Variants in C2orf80 observed in about 807,000 individuals in gnomAD.
C2orf80 encodes uncharacterized protein C2orf80.
Under a neutral mutation model 30.2 loss-of-function variants are expected in C2orf80, and 28 were observed. That is an observed-to-expected ratio of 0.93 (90% CI 0.69 to 1.27). The LOEUF is 1.27. C2orf80 is among the 50% of genes most tolerant of loss of function. C2orf80 has a pLI of 0.00. For synonymous variants in C2orf80, 80 were observed against 76.4 expected (o/e 1.05, Z -0.24); for missense variants, 220 against 231.0 (o/e 0.95, Z 0.31).
chr2:208,184,534 G>C (rs1185508108), intron 3 of C2orf80, among the ~76,000 whole-genome samples: 3 of 152,186 alleles, frequency 2.0e-5, no homozygotes, highest in African/African-American at 4.8e-5. Context: ...CAGATCCTGA[G>C]TCTGGGCTTC....
intron 6 of C2orf80, among the ~76,000 whole-genome samples, chr2:208,176,019 C>T (rs905107426): frequency 5.3e-5 from 8 of 152,108 alleles, no homozygotes; most frequent in South Asian, 2.1e-4. Context: ...ATTCAAATTA[C>T]GCCCTCTGTG....
At chr2:208,183,135 G>T in intron 3 of C2orf80, 88 bp from the exon 4 acceptor site, 1 of 994,468 alleles carries the variant, frequency 1.0e-6, no homozygotes, top group Non-Finnish European at 1.6e-6. Flanking sequence ...GGACTGCTAA[G>T]CCTATTCTAG....
chr2:208,170,718 A>C (rs916380353), intron 8 of C2orf80, among the ~76,000 whole-genome samples: 1 of 152,154 alleles, frequency 6.6e-6, no homozygotes, highest in African/African-American at 2.4e-5. Context: ...AATCACCCCA[A>C]CAAGCTTAAG....
intron 6 of C2orf80, among the ~76,000 whole-genome samples, chr2:208,174,776 A>C (rs114920641): frequency 0.023 from 3,506 of 152,340 alleles, 129 homozygotes; most frequent in African/African-American, 0.079. Context: ...ATAGCCAGTC[A>C]GACGCCGGGG....
In C2orf80 at chr2:208,165,880, T is replaced by C. The variant is rs1271933848; in HGVS notation, c.574-65A>G. The C allele has an allele frequency of 3.5e-6, 4 of 1,133,280 alleles. No individual in the cohort carries two copies. The East Asian group carries it at 9.5e-5, about 27-fold the overall frequency. The allele number at this position is 1,133,280 out of a possible 1,614,324, so 70.2% of individuals were successfully genotyped here. ...TTTAACATGGACACAGACATTACTT[T>C]AAGTCTATAGGAAGTTAAGGTCAAA... On this transcript the variant is annotated intron_variant, in intron 8 of 8. Coordinates refer to ENST00000341287, the MANE Select transcript of C2orf80 (RefSeq NM_001099334.3).
intron 6 of C2orf80, among the ~76,000 whole-genome samples, chr2:208,179,514 TC>T (rs138590753): frequency 5.9e-5 from 9 of 152,196 alleles, no homozygotes; most frequent in South Asian, 4.1e-4. Flanking sequence ...GTGCCCCCCT[TC>T]CCCCCTCCCA....
At chr2:208,173,653 A>G (rs559183235) in intron 6 of C2orf80, among the ~76,000 whole-genome samples, 1 of 151,876 alleles carries the variant, frequency 6.6e-6, no homozygotes, top group East Asian at 1.9e-4. Context: ...ACAAAACACC[A>G]AAACTCAAAA....
chr2:208,183,530 T>C (rs1383075229), intron 3 of C2orf80, among the ~76,000 whole-genome samples: 2 of 152,042 alleles, frequency 1.3e-5, no homozygotes, highest in African/African-American at 4.8e-5. Context: ...GAGTAGAATG[T>C]CAGAAATGTG....
intron 6 of C2orf80, among the ~76,000 whole-genome samples, chr2:208,174,140 G>A (rs1270142357): frequency 6.6e-6 from 1 of 151,938 alleles, no homozygotes; most frequent in Non-Finnish European, 1.5e-5. Context: ...TTTTGGTATA[G>A]ACAGGTTTTT....
At chr2:208,177,830 TTTTTA>T (rs1033663721) in intron 6 of C2orf80, among the ~76,000 whole-genome samples, 3 of 150,424 alleles carry the variant, frequency 2.0e-5, no homozygotes, top group African/African-American at 7.4e-5. Flanking sequence ...ATTTATTTAT[TTTTTA>T]TTTTTTTTGA....
chr2:208,180,933 T>C (rs10208685), intron 5 of C2orf80, 117 bp from the exon 6 acceptor site: 322,554 of 812,408 alleles, frequency 0.4, 72,388 homozygotes, highest in East Asian at 0.88. Flanking sequence ...ATCATAAGTA[T>C]TAAATACAGT....
chr2:208,177,612 C>A (rs939842981), intron 6 of C2orf80, among the ~76,000 whole-genome samples: 2 of 151,952 alleles, frequency 1.3e-5, no homozygotes, highest in Admixed American at 1.3e-4. Context: ...AAAAGTCAGC[C>A]TCTGTGATAA....
At chr2:208,175,470 G>A (rs73986535) in intron 6 of C2orf80, among the ~76,000 whole-genome samples, 3,955 of 152,270 alleles carry the variant, frequency 0.026, 178 homozygotes, top group African/African-American at 0.089. Flanking sequence ...GGCTAACAGA[G>A]TAGGTGAGCA....
At chr2:208,188,553 C>G (rs571618842) in intron 1 of C2orf80, among the ~76,000 whole-genome samples, 1 of 151,704 alleles carries the variant, frequency 6.6e-6, no homozygotes, top group South Asian at 2.1e-4. Flanking sequence ...TCAAGTGATT[C>G]TCCTGCCTCA....
chr2:208,187,532 T>C (rs1696753189), intron 1 of C2orf80, among the ~76,000 whole-genome samples: 1 of 152,058 alleles, frequency 6.6e-6, no homozygotes, highest in Non-Finnish European at 1.5e-5. Flanking sequence ...GAAAATATGG[T>C]TATGGGAAAT....
rs758611671 is a variant in C2orf80, at chr2:208,180,707, A to G, written c.366+38T>C. The G allele has an allele frequency of 4.7e-6, 7 of 1,494,698 alleles. No individual in the cohort carries two copies. In the South Asian group the frequency reaches 7.1e-5, roughly 15 times the overall value. 92.6% of individuals were successfully genotyped at this position (1,494,698 alleles called of 1,614,324 possible). A position where few individuals can be genotyped will look rare whatever the true frequency, so the allele number is the denominator to read the frequency against. On this transcript the variant is annotated intron_variant, in intron 6 of 8. Coordinates refer to ENST00000341287, the MANE Select transcript of C2orf80 (RefSeq NM_001099334.3). ...TTTATACACTAAATAAATTATCTCT[A>G]AAAATCCCTTCTATTGACAATCCCA... is the stretch of plus-strand genomic sequence containing the variant.
At chr2:208,176,886 G>T (rs10182978) in intron 6 of C2orf80, among the ~76,000 whole-genome samples, 1,917 of 35,836 alleles carry the variant, frequency 0.053, 188 homozygotes, top group African/African-American at 0.17. Context: ...TGTATACATA[G>T]GTGTATATAT....
At chr2:208,168,875 G>T (rs1475161523) in intron 8 of C2orf80, among the ~76,000 whole-genome samples, 1 of 151,148 alleles carries the variant, frequency 6.6e-6, no homozygotes, top group East Asian at 2.0e-4. Flanking sequence ...CTATAGAAAG[G>T]TCTGGTCCCC....
intron 6 of C2orf80, among the ~76,000 whole-genome samples, chr2:208,179,960 T>C (rs1696498692): frequency 6.6e-6 from 1 of 152,070 alleles, no homozygotes; most frequent in African/African-American, 2.4e-5. Context: ...AGACCAGCAG[T>C]GAGACCCGTC....
Sources: allele counts gnomAD v4.1 joint callset (sites outside exome capture counted in the v4.1 genomes callset), GRCh38; gene constraint gnomAD v4.1.1; transcripts MANE v1.5; gene names NCBI Gene and HGNC (gene_info 2026-07-23, HGNC 2026-07-21).